CUEDC1: variants seen among roughly 807,000 people sequenced by gnomAD.
The protein encoded by CUEDC1 is CUE domain containing 1, also known as CUE domain-containing protein 1.
CUEDC1 carries 30 observed loss-of-function variants against 43.7 expected under a neutral mutation model. The ratio of observed to expected loss-of-function variants is 0.69; its 90% CI spans 0.51 to 0.93. The LOEUF (loss-of-function observed/expected upper bound fraction) is 0.93. Among genes scored for constraint, CUEDC1 ranks in the 40% least tolerant of loss-of-function variants. CUEDC1 has a pLI of 0.00. For synonymous variants in CUEDC1, 223 were observed against 223.6 expected (o/e 1.00, Z 0.02); for missense variants, 486 against 549.0 (o/e 0.89, Z 1.15).
chr17:57,904,865 T>C (rs1340075360), intron 1 of CUEDC1, among the ~76,000 whole-genome samples: 1 of 152,140 alleles, frequency 6.6e-6, no homozygotes, highest in Non-Finnish European at 1.5e-5. Flanking sequence ...CCATCCGTGC[T>C]GGGACCACAG....
chr17:57,895,658 A>G (rs1313036428), intron 1 of CUEDC1, among the ~76,000 whole-genome samples: 2 of 152,212 alleles, frequency 1.3e-5, no homozygotes, highest in Admixed American at 6.5e-5. Flanking sequence ...GGTGCCTGGG[A>G]GGAGATCAAA....
chr17:57,885,130 A>G, intron 2 of CUEDC1, 99 bp downstream of exon 2: 2 of 1,464,930 alleles, frequency 1.4e-6, no homozygotes, highest in South Asian at 3.0e-5. Flanking sequence ...GTCCTCTTAG[A>G]GGTTCCAGTG....
chr17:57,946,565 A>T (rs1049845954), intron 1 of CUEDC1, among the ~76,000 whole-genome samples: 1 of 151,342 alleles, frequency 6.6e-6, no homozygotes, highest in African/African-American at 2.4e-5. Flanking sequence ...TTTTTTTTTT[A>T]AAGGAAACTC....
chr17:57,911,377 C>T (rs1323735388), intron 1 of CUEDC1, among the ~76,000 whole-genome samples: 1 of 152,212 alleles, frequency 6.6e-6, no homozygotes, highest in African/African-American at 2.4e-5. Flanking sequence ...AGCACCTGTT[C>T]CTCTTAAGGG....
chr17:57,935,112 A>G (rs957978449), intron 1 of CUEDC1, among the ~76,000 whole-genome samples: 3 of 152,232 alleles, frequency 2.0e-5, no homozygotes, highest in African/African-American at 7.2e-5. Context: ...AGTGCCCGCA[A>G]TCAGCTTTCT....
chr17:57,891,156 A>G lies in CUEDC1; in HGVS notation c.-315-5277T>C, dbSNP rs559889870. ...CAACCTCTCATGGGCACTCCCCTCA[A>G]CTCCACACTCATACAGCCTTCTTGC... On this transcript the variant is annotated intron_variant, in intron 1 of 10. Coordinates refer to ENST00000577830, the MANE Select transcript of CUEDC1 (RefSeq NM_001271875.2). Among the ~76,000 whole-genome samples, 3 of 151,936 alleles carry G rather than the reference A, an allele frequency of 2.0e-5. No homozygotes were observed. The East Asian group carries it at 5.8e-4, about 29-fold the overall frequency.
At chr17:57,877,884 CAAAAA>C (rs59469013) in intron 3 of CUEDC1, among the ~76,000 whole-genome samples, 1 of 89,572 alleles carries the variant, frequency 1.1e-5, no homozygotes, top group African/African-American at 4.1e-5. Flanking sequence ...GACTCCGACT[CAAAAA>C]AAAAAAAAAA....
chr17:57,862,315 A>C lies in CUEDC1; in HGVS notation c.*974T>G, dbSNP rs1568022588. 1 of 152,896 alleles carries C rather than the reference A, an allele frequency of 6.5e-6. No individual in the cohort carries two copies. Among genetic ancestry groups the C allele is most frequent in the Non-Finnish European group, 1.5e-5 (1 of 68,646 alleles). The allele number at this position is 152,896 out of a possible 1,614,324, so 9.5% of individuals were successfully genotyped here. On this transcript the variant is annotated 3_prime_UTR_variant, in exon 11 of 11. Transcript: ENST00000577830. ...GCCCTTATGCCCTAGGCGCTCACCC[A>C]GGCTGGCGGCCTTTCCGCCTTGCTC...
intron 1 of CUEDC1, chr17:57,922,506 G>A (rs1327487118): frequency 1.3e-5 from 2 of 152,202 alleles, no homozygotes; most frequent in African/African-American, 2.4e-5. Context: ...AGAATCCTCA[G>A]CCAGATTTTC....
At chr17:57,925,118 T>TA (rs11413908) in intron 1 of CUEDC1, among the ~76,000 whole-genome samples, 36,489 of 142,886 alleles carry the variant, frequency 0.26, 5,010 homozygotes, top group South Asian at 0.33. Flanking sequence ...TTGTGCACAT[T>TA]AAAAAAAAAA....
chr17:57,865,081 TG>T (rs2073937633), intron 10 of CUEDC1, among the ~76,000 whole-genome samples: 1 of 152,056 alleles, frequency 6.6e-6, no homozygotes, highest in African/African-American at 2.4e-5. Flanking sequence ...AATGAATGAA[TG>T]AATGAATGAT....
In CUEDC1 at chr17:57,885,305, A is replaced by C. The variant is rs1284312408; in HGVS notation, c.260T>G (p.Met87Arg). Reference protein sequence around the residue: ...VDATIDQLLQMNLEGGGSSGG... With the variant: ...VDATIDQLLQRNLEGGGSSGG... ...GCTGCTGCCACCGCCCTCCAGGTTCATCTGCAGCAGCTGGTCGATGGTGGC... is the reference window on the plus strand; with the variant it reads ...GCTGCTGCCACCGCCCTCCAGGTTCCTCTGCAGCAGCTGGTCGATGGTGGC... The change falls in exon 2 of 11, where the codon ATG becomes AGG. Residue 87 changes from methionine to arginine, a missense_variant. Coordinates refer to ENST00000577830, the MANE Select transcript of CUEDC1 (RefSeq NM_001271875.2). 1 of 1,610,534 alleles carries C rather than the reference A, an allele frequency of 6.2e-7. No homozygotes were observed.
chr17:57,890,298 A>C (rs939760568), intron 1 of CUEDC1, among the ~76,000 whole-genome samples: 8 of 152,356 alleles, frequency 5.3e-5, no homozygotes, highest in African/African-American at 1.9e-4. Flanking sequence ...AGGACATTTC[A>C]GCACAGGAAA....
chr17:57,896,889 C>T (rs2074416938), intron 1 of CUEDC1, among the ~76,000 whole-genome samples: 1 of 150,736 alleles, frequency 6.6e-6, no homozygotes. Flanking sequence ...CCTGCCTCAG[C>T]CTCCAGAGTA....
At chr17:57,899,609 T>C (rs1302198945) in intron 1 of CUEDC1, among the ~76,000 whole-genome samples, 2 of 152,120 alleles carry the variant, frequency 1.3e-5, no homozygotes, top group African/African-American at 4.8e-5. Flanking sequence ...CATGCCTGCA[T>C]GTGCTAACAG....
intron 9 of CUEDC1, chr17:57,866,867 C>T: frequency 2.6e-6 from 1 of 383,984 alleles, no homozygotes; most frequent in Non-Finnish European, 4.8e-6. Flanking sequence ...GTCCTTGTTT[C>T]TGGATGCCTC....
Position 57,868,123 on chromosome 17 carries a change from C to A in CUEDC1, c.1034+27G>T, listed in dbSNP as rs1238968829. 3.8e-6 allele frequency: 6 copies of A among 1,593,340 alleles called. No individual in the cohort carries two copies. The African/African-American group carries it at 5.4e-5, about 14-fold the overall frequency. On this transcript the variant is annotated intron_variant, in intron 8 of 10. Coordinates refer to ENST00000577830, the MANE Select transcript of CUEDC1 (RefSeq NM_001271875.2). ...CCATGGCCCTTGGCTTCCACCACCC[C>A]CACCAGTGCCAGGCTGGAAAGGATA...
chr17:57,936,444 A>G (rs2074862722), intron 1 of CUEDC1, among the ~76,000 whole-genome samples: 1 of 152,180 alleles, frequency 6.6e-6, no homozygotes. Flanking sequence ...CCCAGCCCTC[A>G]CAACCAGGTG....
intron 1 of CUEDC1, among the ~76,000 whole-genome samples, chr17:57,945,794 C>T (rs140573598): frequency 0.011 from 1,744 of 152,002 alleles, 11 homozygotes; most frequent in Non-Finnish European, 0.02. Flanking sequence ...CTGAGGTGGG[C>T]GGATCAGTTG....
Sources: allele counts gnomAD v4.1 joint callset (sites outside exome capture counted in the v4.1 genomes callset), GRCh38; gene constraint gnomAD v4.1.1; transcripts MANE v1.5; gene names NCBI Gene and HGNC (gene_info 2026-07-23, HGNC 2026-07-21).